The following ABI3BP variants were observed in gnomAD, a reference collection of about 807,000 sequenced individuals.
ABI3BP encodes target of Nesh-SH3.
A neutral mutation model predicts 268.6 loss-of-function variants in ABI3BP; 216 were observed. The observed-to-expected ratio is 0.80, with a 90% CI of 0.72 to 0.90. ABI3BP has a LOEUF of 0.90. Among genes scored for constraint, ABI3BP ranks in the 40% least tolerant of loss-of-function variants. ABI3BP has a pLI of 0.00. For synonymous variants in ABI3BP, 730 were observed against 730.0 expected (o/e 1.00, Z 0.00); for missense variants, 2,090 against 2,182.4 (o/e 0.96, Z 0.84).
rs146970212 is a variant in ABI3BP at position 100,945,414 on chromosome 3, T to C, written c.80-18933A>G. Among the ~76,000 whole-genome samples, 612 of 152,268 alleles carry C rather than the reference T, an allele frequency of 4.0e-3. 3 individuals are homozygous for C. The highest frequency in any genetic ancestry group is 0.011 in the African/African-American group (446 of 41,564). On this transcript the variant is annotated intron_variant, in intron 1 of 67. Transcript: ENST00000471714. ...TCAAACTCACAGAAGTTGCTAAATTTATGTAATTTACTAAATCTATCATAA... is the reference window on the plus strand; with the variant it reads ...TCAAACTCACAGAAGTTGCTAAATTCATGTAATTTACTAAATCTATCATAA...
At chr3:100,865,766 A>G (rs958820292) in intron 10 of ABI3BP, among the ~76,000 whole-genome samples, 2 of 152,220 alleles carry the variant, frequency 1.3e-5, no homozygotes, top group South Asian at 4.1e-4. Flanking sequence ...AAGAGAAAAA[A>G]GTATAATTGG....
At position 100,862,291 on chromosome 3, in the gene ABI3BP, T is replaced by C; in HGVS notation, c.1285+20A>G. 1 of 1,542,092 alleles carries C rather than the reference T, an allele frequency of 6.5e-7. No individual in the cohort carries two copies. The highest frequency in any genetic ancestry group is 8.8e-7 in the Non-Finnish European group (1 of 1,137,984). ...TATTCCTTGTTATAATCGATTTTTTTAAGAAAAGGATTTAATTACCAGTTT... is the reference window on the plus strand; with the variant it reads ...TATTCCTTGTTATAATCGATTTTTTCAAGAAAAGGATTTAATTACCAGTTT... On this transcript the variant is annotated intron_variant, in intron 14 of 67. Transcript: ENST00000471714.
intron 12 of ABI3BP, 173 bp downstream of exon 12, chr3:100,863,829 A>T: frequency 1.8e-6 from 1 of 563,446 alleles, no homozygotes; most frequent in South Asian, 2.5e-5. Context: ...AAGAAAAACA[A>T]CCCAACCAAA....
chr3:100,811,402 C>T (rs2097858297), intron 47 of ABI3BP, 125 bp from the exon 48 acceptor site: 1 of 711,068 alleles, frequency 1.4e-6, no homozygotes, highest in South Asian at 2.2e-5. Context: ...TGGATTTAGA[C>T]AGGAAAAAAG....
Position 100,778,518 on chromosome 3 carries a change from G to A in ABI3BP, c.4241-142C>T, listed in dbSNP as rs143209679. On this transcript the variant is annotated intron_variant, in intron 58 of 67. Coordinates refer to ENST00000471714, the MANE Select transcript of ABI3BP (RefSeq NM_001375547.2). ...CAGAGAATAGATTCTACAGAAAAGT[G>A]CACACAAATATATTCAGATATTCCT... 1.5e-3 allele frequency: 1,035 copies of A among 701,248 alleles called. 3 individuals carry two copies. In the African/African-American group the frequency reaches 0.016, roughly 11 times the overall value. 43.4% of individuals were successfully genotyped at this position (701,248 alleles called of 1,614,324 possible).
intron 4 of ABI3BP, among the ~76,000 whole-genome samples, chr3:100,887,663 G>T (rs1175329019): frequency 6.6e-6 from 1 of 152,014 alleles, no homozygotes; most frequent in East Asian, 1.9e-4. Flanking sequence ...TCCTCAAAAG[G>T]TTAGTACCTT....
intron 14 of ABI3BP, among the ~76,000 whole-genome samples, chr3:100,858,077 C>A (rs1002014368): frequency 6.0e-4 from 92 of 152,302 alleles, no homozygotes; most frequent in African/African-American, 2.0e-3. Flanking sequence ...ATCAGAAAGA[C>A]TGACTTTTTG....
intron 52 of ABI3BP, 40 bp from the exon 53 acceptor site, chr3:100,795,891 T>C (rs1236871234): frequency 1.6e-6 from 2 of 1,255,104 alleles, no homozygotes; most frequent in East Asian, 1.2e-4. Flanking sequence ...TTTATGAGAA[T>C]TACTACCTGG....
In ABI3BP at chr3:100,801,156, A is replaced by C. The variant is rs567911064; in HGVS notation, c.3757+3636T>G. Among the ~76,000 whole-genome samples, 49 of 152,276 alleles carry C rather than the reference A, an allele frequency of 3.2e-4. No homozygotes were observed. The South Asian group carries it at 5.4e-3, about 17-fold the overall frequency. On this transcript the variant is annotated intron_variant, in intron 51 of 67. Transcript: ENST00000471714. ...TTTTTTTTTAGAGCAAATCTGGAAA[A>C]GATGGGCAATTCCCATGAACCAGCA...
chr3:100,876,769 C>T (rs1581562096), intron 6 of ABI3BP, among the ~76,000 whole-genome samples: 1 of 151,490 alleles, frequency 6.6e-6, no homozygotes, highest in Non-Finnish European at 1.5e-5. Context: ...CACCTGAGGT[C>T]AGGAGTTCGA....
intron 2 of ABI3BP, among the ~76,000 whole-genome samples, chr3:100,917,758 A>G (rs181672204): frequency 1.3e-5 from 2 of 152,312 alleles, no homozygotes; most frequent in African/African-American, 2.4e-5. Context: ...TGTACTTCCA[A>G]GAAAAGATAG....
At chr3:100,794,845 C>T (rs1394044905) in intron 54 of ABI3BP, 78 bp downstream of exon 54, 2 of 1,035,304 alleles carry the variant, frequency 1.9e-6, no homozygotes, top group Non-Finnish European at 2.9e-6. Context: ...AATCTGTGAA[C>T]ATAATGTATT....
chr3:100,944,675 G>A (rs2071245833), intron 1 of ABI3BP, among the ~76,000 whole-genome samples: 1 of 152,118 alleles, frequency 6.6e-6, no homozygotes, highest in Non-Finnish European at 1.5e-5. Flanking sequence ...GGTTTTATCT[G>A]CCATCTTTGC....
chr3:100,805,226 A>T (rs894122223), intron 50 of ABI3BP, among the ~76,000 whole-genome samples: 1 of 152,198 alleles, frequency 6.6e-6, no homozygotes, highest in Admixed American at 6.6e-5. Flanking sequence ...ACCCATTTTT[A>T]TGTCTTTCCT....
At chr3:100,793,236 A>C (rs1239022511) in intron 54 of ABI3BP, among the ~76,000 whole-genome samples, 2 of 152,004 alleles carry the variant, frequency 1.3e-5, no homozygotes, top group Non-Finnish European at 2.9e-5. Context: ...ATCAGAGCGT[A>C]TGTTTGACAT....
chr3:100,785,668 G>T (rs913015710), intron 57 of ABI3BP, among the ~76,000 whole-genome samples: 14 of 152,150 alleles, frequency 9.2e-5, no homozygotes, highest in Admixed American at 9.2e-4. Flanking sequence ...TAGGAGAAAA[G>T]TGTTTAGTCT....
chr3:100,869,057 T>C (rs960225323), intron 9 of ABI3BP, among the ~76,000 whole-genome samples: 8 of 152,098 alleles, frequency 5.3e-5, no homozygotes, highest in African/African-American at 1.9e-4. Context: ...GGCTCCTTCC[T>C]GATTAAGAAT....
intron 61 of ABI3BP, among the ~76,000 whole-genome samples, chr3:100,773,266 A>C (rs1371432805): frequency 1.3e-5 from 2 of 152,182 alleles, no homozygotes; most frequent in Non-Finnish European, 2.9e-5. Flanking sequence ...ATAGATTCTC[A>C]AAATTCAACA....
intron 9 of ABI3BP, among the ~76,000 whole-genome samples, chr3:100,867,683 T>C (rs911364141): frequency 6.9e-6 from 1 of 144,600 alleles, no homozygotes; most frequent in East Asian, 2.0e-4. Context: ...TTATTCTACA[T>C]GGTAAAAAAT....
Sources: allele counts gnomAD v4.1 joint callset (sites outside exome capture counted in the v4.1 genomes callset), GRCh38; gene constraint gnomAD v4.1.1; transcripts MANE v1.5; gene names NCBI Gene and HGNC (gene_info 2026-07-23, HGNC 2026-07-21).